Variants in TMEM61 observed in about 807,000 individuals in gnomAD.
The protein encoded by TMEM61 is transmembrane protein 61.
A neutral mutation model predicts 12.0 loss-of-function variants in TMEM61; 13 were observed. That is an observed-to-expected ratio of 1.08 (90% CI 0.70 to 1.72). The LOEUF (loss-of-function observed/expected upper bound fraction) is 1.72. TMEM61 is among the 40% of genes most tolerant of loss of function. The pLI is 0.00. For missense variants in TMEM61, 249 were observed against 276.9 expected, an observed-to-expected ratio of 0.90 and a Z score of 0.71; for synonymous variants, 109 against 121.4, an observed-to-expected ratio of 0.90 and a Z score of 0.67.
At chr1:54,983,323 A>C (rs1044405858) in intron 1 of TMEM61, among the ~76,000 whole-genome samples, 1 of 151,736 alleles carries the variant, frequency 6.6e-6, no homozygotes, top group Non-Finnish European at 1.5e-5. Context: ...GGGTTTCACC[A>C]TATTGCCCAG....
chr1:54,981,197 C>A, intron 1 of TMEM61, 117 bp downstream of exon 1: 3 of 1,196,254 alleles, frequency 2.5e-6, no homozygotes, highest in Non-Finnish European at 3.4e-6. Context: ...AGTGTGGACA[C>A]CCGGGGCTCT....
At chr1:54,988,251 C>T (rs936227958) in intron 2 of TMEM61, among the ~76,000 whole-genome samples, 1 of 152,216 alleles carries the variant, frequency 6.6e-6, no homozygotes, top group Non-Finnish European at 1.5e-5. Flanking sequence ...CCCAGCCAGG[C>T]GTGAGTGCAG....
At chr1:54,989,655 C>T (rs1264925076) in intron 2 of TMEM61, among the ~76,000 whole-genome samples, 1 of 152,228 alleles carries the variant, frequency 6.6e-6, no homozygotes, top group Admixed American at 6.5e-5. Flanking sequence ...ACCTTGGCGA[C>T]TTGGAGCTGG....
chr1:54,989,322 C>A (rs1437804215), intron 2 of TMEM61, among the ~76,000 whole-genome samples: 5 of 152,206 alleles, frequency 3.3e-5, no homozygotes, highest in Non-Finnish European at 7.3e-5. Flanking sequence ...CTCTACCCCC[C>A]AGGGTGGTTG....
intron 1 of TMEM61, among the ~76,000 whole-genome samples, chr1:54,984,058 A>G (rs1452802236): frequency 6.8e-6 from 1 of 146,582 alleles, no homozygotes; most frequent in Non-Finnish European, 1.5e-5. Context: ...ACACACATGC[A>G]CACACACACA....
At chr1:54,990,740 C>T (rs1289243982) in intron 2 of TMEM61, among the ~76,000 whole-genome samples, 1 of 152,160 alleles carries the variant, frequency 6.6e-6, no homozygotes, top group Non-Finnish European at 1.5e-5. Context: ...AGATTCTGCT[C>T]ATAACCCCAC....
In TMEM61 at chr1:54,992,207, T is replaced by G; in HGVS notation, c.*104T>G. On this transcript the variant is annotated 3_prime_UTR_variant, in exon 3 of 3. Coordinates refer to ENST00000371268, the MANE Select transcript of TMEM61 (RefSeq NM_182532.3). ...TAGGCACTCAGCAAACGTTCGTTGT[T>G]GAAGGCTGTTCTATTTATCTATTGC... 1 of 1,379,012 alleles carries G rather than the reference T, an allele frequency of 7.3e-7. No individual in the cohort carries two copies. 85.4% of individuals were successfully genotyped at this position (1,379,012 alleles called of 1,614,324 possible). A position where few individuals can be genotyped will look rare whatever the true frequency, so the allele number is the denominator to read the frequency against.
intron 2 of TMEM61, 25 bp from the exon 3 acceptor site, chr1:54,991,811 A>G: frequency 5.0e-6 from 8 of 1,609,186 alleles, no homozygotes; most frequent in Non-Finnish European, 6.8e-6. Context: ...AGCCCCTGCT[A>G]ACAGCCTCTC....
rs780127208 is a variant in TMEM61, at chr1:54,983,109, G to GTTTTTTTTTTTTTTT, written c.15+2041_15+2042insTTTTTTTTTTTTTTT. 1.7e-4 allele frequency among the ~76,000 whole-genome samples: 19 copies of GTTTTTTTTTTTTTTT among 109,540 alleles called. 5 individuals are homozygous for GTTTTTTTTTTTTTTT. Among genetic ancestry groups the GTTTTTTTTTTTTTTT allele is most frequent in the Non-Finnish European group, 2.4e-4 (13 of 54,414 alleles). The allele number at this position is 109,540 out of a possible 152,430, so 71.9% of individuals were successfully genotyped here. On this transcript the variant is annotated intron_variant, in intron 1 of 2. Coordinates refer to ENST00000371268, the MANE Select transcript of TMEM61 (RefSeq NM_182532.3). The stretch of plus-strand genomic sequence containing the variant: ...TTAGTGGTGATTTGTGTTTTGCTTT[G>GTTTTTTTTTTTTTTT]TTTTTTTTTTTTGTTTTTTTTTGAG...
At chr1:54,984,037 C>G (rs1451901880) in intron 1 of TMEM61, among the ~76,000 whole-genome samples, 1 of 152,012 alleles carries the variant, frequency 6.6e-6, no homozygotes, top group Non-Finnish European at 1.5e-5. Context: ...TGTACATTCT[C>G]TCTCTCTCAC....
At position 54,986,103 on chromosome 1, in the gene TMEM61, G is replaced by A. The variant is rs1466663147; in HGVS notation, c.22G>A (p.Asp8Asn). The A allele has an allele frequency of 6.3e-7, 1 of 1,583,852 alleles. No homozygotes were observed. The highest frequency in any genetic ancestry group is 8.6e-7 in the Non-Finnish European group (1 of 1,160,416). ...CCTCCTTCTCTGTGTCCAGATGTGT[G>A]ACGGGAGCCACTTGGCCTCCACCCT... MALPQMC[D>N]GSHLASTLRY... The change falls in exon 2 of 3, where the codon GAC (aspartate) becomes AAC (asparagine). Residue 8 changes from aspartate (D) to asparagine (N), a missense_variant. By Grantham distance (23) the Asp-to-Asn change is conservative. Coordinates refer to ENST00000371268, the MANE Select transcript of TMEM61 (RefSeq NM_182532.3).
At chr1:54,986,660 G>A (rs571496964) in intron 2 of TMEM61, among the ~76,000 whole-genome samples, 1 of 151,948 alleles carries the variant, frequency 6.6e-6, no homozygotes, top group Admixed American at 6.5e-5. Flanking sequence ...ACAAACCGGA[G>A]TAGGTAGTGC....
chr1:54,990,500 G>A (rs539694806), intron 2 of TMEM61, among the ~76,000 whole-genome samples: 52 of 152,242 alleles, frequency 3.4e-4, no homozygotes, highest in Non-Finnish European at 6.0e-4. Context: ...GGGCCCCTCC[G>A]TCAGCTAAGT....
chr1:54,986,487 T>A lies in TMEM61; in HGVS notation c.365+41T>A, dbSNP rs766952665. The A allele has an allele frequency of 6.1e-6, 9 of 1,483,866 alleles. No individual in the cohort carries two copies. The Admixed American group carries it at 1.3e-4, about 21-fold the overall frequency. 91.9% of individuals were successfully genotyped at this position (1,483,866 alleles called of 1,614,324 possible). A position where few individuals can be genotyped will look rare whatever the true frequency, so the allele number is the denominator to read the frequency against. ...TGTGGCAGCGGGTGGGGACTGCAGG[T>A]AGGGGCCCAGTCACACCAGCCCACC... is the stretch of plus-strand genomic sequence containing the variant. On this transcript the variant is annotated intron_variant, in intron 2 of 2. Transcript: ENST00000371268.
rs56889206 is a variant in TMEM61, at chr1:54,986,363, A to G, written c.282A>G (p.Pro94=). 15,400 of 1,613,392 alleles carry G rather than the reference A, an allele frequency of 9.5e-3. 1,082 individuals are homozygous for G. In the African/African-American group the frequency reaches 0.17, roughly 18 times the overall value. The change falls in exon 2 of 3, where the codon CCA becomes CCG. Residue 94 remains proline (P), a synonymous_variant. Coordinates refer to ENST00000371268, the MANE Select transcript of TMEM61 (RefSeq NM_182532.3). ...GLLWSVKASI[P]GPPRWDPYHL... is the part of the protein sequence containing the mutation. ...TGTGGTCCGTCAAGGCCAGCATCCC[A>G]GGGCCACCTCGATGGGACCCCTATC...
At chr1:54,990,608 C>G (rs555469003) in intron 2 of TMEM61, among the ~76,000 whole-genome samples, 1 of 152,286 alleles carries the variant, frequency 6.6e-6, no homozygotes, top group East Asian at 1.9e-4. Flanking sequence ...CAACTGCTTC[C>G]CAGCAGCTCC....
intron 1 of TMEM61, among the ~76,000 whole-genome samples, chr1:54,981,616 TCAAA>T (rs1644223153): frequency 6.6e-6 from 1 of 151,698 alleles, no homozygotes; most frequent in Non-Finnish European, 1.5e-5. Context: ...AGATGGAATC[TCAAA>T]CAAAACAAAA....
At position 54,986,262 on chromosome 1, in the gene TMEM61, G is replaced by T. The variant is rs775008524; in HGVS notation, c.181G>T (p.Gly61Cys). The change falls in exon 2 of 3, where the codon GGC (glycine) becomes TGC (cysteine). Residue 61 changes from glycine (G) to cysteine (C), a missense_variant. Coordinates refer to ENST00000371268, the MANE Select transcript of TMEM61 (RefSeq NM_182532.3). The part of the protein sequence containing the change: ...APPTEYPVPE[G>C]PSPLLRSVSF... ...ACCCACGGAGTATCCGGTGCCTGAG[G>T]GCCCCAGCCCCCTGCTCAGGTCCGT... 6 of 1,613,850 alleles carry T rather than the reference G, an allele frequency of 3.7e-6. No individual in the cohort carries two copies. In the South Asian group the frequency reaches 6.6e-5, roughly 18 times the overall value.
chr1:54,985,218 TA>T (rs1644249320), intron 1 of TMEM61, among the ~76,000 whole-genome samples: 1 of 14,620 alleles, frequency 6.8e-5, no homozygotes, highest in African/African-American at 9.4e-5. Context: ...TGAACGTGTG[TA>T]TGTGTGTGTG....
Sources: allele counts gnomAD v4.1 joint callset (sites outside exome capture counted in the v4.1 genomes callset), GRCh38; gene constraint gnomAD v4.1.1; transcripts MANE v1.5; gene names NCBI Gene and HGNC (gene_info 2026-07-23, HGNC 2026-07-21).